Variants in DEPDC5 observed in about 807,000 individuals in gnomAD.
DEPDC5 encodes the protein GATOR1 complex protein DEPDC5.
In DEPDC5, 73 loss-of-function variants were observed where a neutral mutation model predicts 217.3. The ratio of observed to expected loss-of-function variants is 0.34; its 90% CI spans 0.28 to 0.41. The LOEUF (loss-of-function observed/expected upper bound fraction) is 0.41. Ranked by LOEUF, DEPDC5 falls within the 10% of genes least tolerant of loss-of-function variation. DEPDC5 has a pLI of 1.00. For missense variants in DEPDC5, 1,675 were observed against 2,070.1 expected (o/e 0.81, Z 3.70); for synonymous variants, 733 against 756.7 (o/e 0.97, Z 0.51).
At chr22:31,898,329 C>T (rs912794434) in intron 40 of DEPDC5, among the ~76,000 whole-genome samples, 3 of 152,160 alleles carry the variant, frequency 2.0e-5, no homozygotes, top group African/African-American at 7.2e-5. Flanking sequence ...TAGGACAGAT[C>T]AAAGACGAGC....
intron 1 of DEPDC5, among the ~76,000 whole-genome samples, chr22:31,754,621 T>A (rs2075162818): frequency 6.6e-6 from 1 of 152,246 alleles, no homozygotes; most frequent in African/African-American, 2.4e-5. Context: ...TATGGGGGTG[T>A]GATAGAATAT....
chr22:31,804,826 A>T lies in DEPDC5; in HGVS notation c.1144-16A>T, dbSNP rs758696233. The T allele has an allele frequency of 6.2e-7, 1 of 1,612,718 alleles. No individual in the cohort carries two copies. The highest frequency in any genetic ancestry group is 1.1e-5 in the South Asian group (1 of 91,004). ...TGTTCTGTAGCTTATCTGTGCTCTC[A>T]TTTTTCTCCTTGCAGCTCCATAATC... On this transcript the variant is annotated splice_polypyrimidine_tract_variant and intron_variant, in intron 16 of 42. Coordinates refer to ENST00000651528, the MANE Select transcript of DEPDC5 (RefSeq NM_001242896.3).
intron 38 of DEPDC5, among the ~76,000 whole-genome samples, chr22:31,881,902 C>T: frequency 6.6e-6 from 1 of 150,702 alleles, no homozygotes; most frequent in Non-Finnish European, 1.5e-5. Flanking sequence ...GCCTAGATGG[C>T]ACCACTGCAC....
rs1247651367 is a variant in DEPDC5 at position 31,861,419 on chromosome 22, G to A, written c.3316G>A (p.Ala1106Thr). 9.0e-6 allele frequency: 14 copies of A among 1,551,326 alleles called. No homozygotes were observed. The highest frequency in any genetic ancestry group is 3.9e-5 in the Admixed American group (2 of 50,952). Reference sequence around the variant, plus strand: ...CCGCAGCCCACGCACAGCATCGTCCGCCTTCTACCCTCAGGTTAGTCCAAC... The same window carrying A: ...CCGCAGCCCACGCACAGCATCGTCCACCTTCTACCCTCAGGTTAGTCCAAC... ...FVRSPRTASS[A>T]FYPQVSVDQT... The change falls in exon 33 of 43, where the codon GCC (alanine) becomes ACC (threonine). Residue 1106 changes from alanine (A) to threonine (T), a missense_variant. Physicochemically the swap from Ala to Thr is moderately conservative, Grantham distance 58. Transcript: ENST00000651528.
At chr22:31,857,624 C>G in intron 32 of DEPDC5, 71 bp downstream of exon 32, 1 of 1,308,364 alleles carries the variant, frequency 7.6e-7, no homozygotes, top group Non-Finnish European at 1.1e-6. Context: ...TAAAACAGAT[C>G]GCCCTTCAGA....
At chr22:31,896,001 G>A (rs1038041841) in intron 39 of DEPDC5, among the ~76,000 whole-genome samples, 1 of 150,966 alleles carries the variant, frequency 6.6e-6, no homozygotes, top group African/African-American at 2.4e-5. Context: ...TCTCCTTGCT[G>A]GCCCTACTAG....
intron 5 of DEPDC5, 140 bp downstream of exon 5, chr22:31,765,200 T>A: frequency 1.5e-6 from 1 of 682,852 alleles, no homozygotes; most frequent in Non-Finnish European, 2.6e-6. Context: ...GTAATTTCAG[T>A]ACATCAGGAG....
intron 10 of DEPDC5, among the ~76,000 whole-genome samples, chr22:31,790,742 T>C (rs923100519): frequency 1.4e-5 from 2 of 145,466 alleles, no homozygotes; most frequent in Non-Finnish European, 3.0e-5. Flanking sequence ...TCTCTTTTTT[T>C]TTTTCTTTTT....
intron 20 of DEPDC5, among the ~76,000 whole-genome samples, chr22:31,811,982 G>A (rs374457547): frequency 1.6e-4 from 24 of 151,848 alleles, no homozygotes; most frequent in African/African-American, 5.1e-4. Context: ...TAGTCTTGGC[G>A]GAATTTTTTT....
At chr22:31,770,782 T>C (rs1264082962) in intron 7 of DEPDC5, among the ~76,000 whole-genome samples, 1 of 144,714 alleles carries the variant, frequency 6.9e-6, no homozygotes, top group African/African-American at 2.6e-5. Context: ...AAGATCCCCA[T>C]CTACTTTTCT....
intron 16 of DEPDC5, 150 bp from the exon 17 acceptor site, chr22:31,804,692 G>T: frequency 1.4e-6 from 1 of 703,284 alleles, no homozygotes; most frequent in Non-Finnish European, 2.4e-6. Context: ...CGCCCGCCTT[G>T]GCCTCCCAAA....
At chr22:31,768,284 T>C (rs1174721543) in intron 6 of DEPDC5, among the ~76,000 whole-genome samples, 2 of 152,102 alleles carry the variant, frequency 1.3e-5, no homozygotes, top group Non-Finnish European at 2.9e-5. Flanking sequence ...GAACTGGTTC[T>C]GAAAATTCTC....
At chr22:31,792,602 T>C (rs2085793529) in intron 11 of DEPDC5, 143 bp from the exon 12 acceptor site, 1 of 444,946 alleles carries the variant, frequency 2.2e-6, no homozygotes, top group Non-Finnish European at 3.5e-6. Context: ...TGAGACCTTG[T>C]CTCAAAAAAA....
At chr22:31,852,230 A>C (rs2149077562) in intron 31 of DEPDC5, among the ~76,000 whole-genome samples, 1 of 152,204 alleles carries the variant, frequency 6.6e-6, no homozygotes, top group Non-Finnish European at 1.5e-5. Flanking sequence ...TGGTATAATA[A>C]ATTCCTGCTT....
At chr22:31,812,720 G>A (rs1231929700) in intron 20 of DEPDC5, among the ~76,000 whole-genome samples, 6 of 146,332 alleles carry the variant, frequency 4.1e-5, no homozygotes, top group African/African-American at 9.9e-5. Context: ...CACCGCGCCC[G>A]GCCAATTTTC....
intron 20 of DEPDC5, among the ~76,000 whole-genome samples, chr22:31,813,157 C>T (rs1483052209): frequency 1.3e-5 from 2 of 152,278 alleles, no homozygotes; most frequent in South Asian, 2.1e-4. Context: ...TTCTCTCATC[C>T]AGTCCTACCT....
At chr22:31,814,969 A>T (rs769595849) in intron 20 of DEPDC5, 23 bp from the exon 21 acceptor site, 4 of 1,613,394 alleles carry the variant, frequency 2.5e-6, no homozygotes, top group Non-Finnish European at 3.4e-6. Flanking sequence ...CTTGATGGTA[A>T]CTTTTTGTCT....
intron 38 of DEPDC5, among the ~76,000 whole-genome samples, chr22:31,882,842 T>G (rs540086808): frequency 6.6e-6 from 1 of 152,262 alleles, no homozygotes; most frequent in Non-Finnish European, 1.5e-5. Context: ...CAGGCTGTTC[T>G]CAAACTCCTG....
At chr22:31,883,692 A>G (rs2093237805) in intron 38 of DEPDC5, among the ~76,000 whole-genome samples, 1 of 152,238 alleles carries the variant, frequency 6.6e-6, no homozygotes, top group East Asian at 1.9e-4. Context: ...TAAGTGCTAG[A>G]GCTGGAGTTT....
Sources: allele counts gnomAD v4.1 joint callset (sites outside exome capture counted in the v4.1 genomes callset), GRCh38; gene constraint gnomAD v4.1.1; transcripts MANE v1.5; gene names NCBI Gene and HGNC (gene_info 2026-07-23, HGNC 2026-07-21).